ZP1: variants seen among roughly 807,000 people sequenced by gnomAD.
ZP1 encodes zona pellucida glycoprotein 1.
Under a neutral mutation model 67.4 loss-of-function variants are expected in ZP1, and 58 were observed. That is an observed-to-expected ratio of 0.86 (90% CI 0.70 to 1.07). The LOEUF (loss-of-function observed/expected upper bound fraction) is 1.07, where lower values mean the gene tolerates loss of function less well. Among genes scored for constraint, ZP1 ranks in the 50% least tolerant of loss-of-function variants. ZP1 has a pLI of 0.00. For synonymous variants in ZP1, 333 were observed against 332.7 expected, an observed-to-expected ratio of 1.00 and a Z score of -0.01; for missense variants, 759 against 807.3, an observed-to-expected ratio of 0.94 and a Z score of 0.72.
chr11:60,869,337 CATGAACCAGAAAGGAGCCAA>C, intron 2 of ZP1, 71 bp downstream of exon 2: 1 of 1,589,842 alleles, frequency 6.3e-7, no homozygotes, highest in East Asian at 2.3e-5. Flanking sequence ...AGAGGCCCCT[CATGAACCAGAAAGGAGCCAA>C]AGCCGAAGAT....
chr11:60,872,510 G>A (rs1855592578), intron 6 of ZP1, among the ~76,000 whole-genome samples: 1 of 152,212 alleles, frequency 6.6e-6, no homozygotes, highest in Admixed American at 6.5e-5. Flanking sequence ...AGAGTGTGGA[G>A]GAGTGGCCAC....
At chr11:60,872,023 C>A (rs1459850542) in intron 6 of ZP1, among the ~76,000 whole-genome samples, 1 of 152,130 alleles carries the variant, frequency 6.6e-6, no homozygotes, top group South Asian at 2.1e-4. Context: ...TCCCGCCCTG[C>A]CGTGAGGGTT....
In ZP1 at chr11:60,873,560, G is replaced by T; in HGVS notation, c.1426G>T (p.Asp476Tyr). 1 of 1,612,980 alleles carries T rather than the reference G, an allele frequency of 6.2e-7. No individual in the cohort carries two copies. Residue 476 changes from aspartate to tyrosine, a missense_variant, in exon 8 of 12, where the codon GAC becomes TAC. Asp to Tyr is a radical substitution (Grantham distance 160). Coordinates refer to ENST00000278853, the MANE Select transcript of ZP1 (RefSeq NM_207341.4). ...GCAGCCCCAGTGGCCCATCCTGTCA[G>T]ACGGGTGAGTGCCCCCACACTCCCC... ...FQQPQWPILS[D>Y]GCPFKGDSYR... is the part of the protein sequence containing the mutation.
At chr11:60,871,913 C>T (rs1192512545) in intron 6 of ZP1, among the ~76,000 whole-genome samples, 3 of 152,188 alleles carry the variant, frequency 2.0e-5, no homozygotes, top group Admixed American at 2.0e-4. Context: ...CCTGTGTGAC[C>T]AGGGGCAAAG....
At chr11:60,874,722 G>A (rs544616553) in intron 9 of ZP1, among the ~76,000 whole-genome samples, 5 of 152,370 alleles carry the variant, frequency 3.3e-5, no homozygotes, top group South Asian at 4.1e-4. Flanking sequence ...CAAGGAAGGT[G>A]TGGATTTCAA....
In ZP1 at chr11:60,873,795, G is replaced by C; in HGVS notation, c.1572+20G>C. 1 of 1,612,130 alleles carries C rather than the reference G, an allele frequency of 6.2e-7. No homozygotes were observed. The highest frequency in any genetic ancestry group is 1.3e-5 in the African/African-American group (1 of 75,028). On this transcript the variant is annotated intron_variant, in intron 9 of 11. Coordinates refer to ENST00000278853, the MANE Select transcript of ZP1 (RefSeq NM_207341.4). ...GGACTGGTAAGAAGCCCCGGCTGCC[G>C]CATGCCTGGTCCCATCTGTTAAGTG...
rs199776899 is a variant in ZP1 at position 60,867,645 on chromosome 11, C to T, written c.84C>T (p.Leu28=). 65 of 1,613,838 alleles carry T rather than the reference C, an allele frequency of 4.0e-5. No individual in the cohort carries two copies. The highest frequency in any genetic ancestry group is 5.5e-5 in the Non-Finnish European group (65 of 1,179,942). ...LVATLGLGRW[L]QPDPGLPGLR... The stretch of plus-strand genomic sequence containing the variant: ...CCACCCTGGGGCTGGGTAGGTGGCT[C>T]CAGCCCGACCCTGGCCTCCCAGGCC... The change falls in exon 1 of 12, where the codon CTC becomes CTT. Residue 28 remains leucine, a synonymous_variant. Coordinates refer to ENST00000278853, the MANE Select transcript of ZP1 (RefSeq NM_207341.4).
chr11:60,874,110 T>A (rs1383198915), intron 9 of ZP1, among the ~76,000 whole-genome samples: 1 of 152,156 alleles, frequency 6.6e-6, no homozygotes, highest in Non-Finnish European at 1.5e-5. Context: ...CAGCAACTTC[T>A]CCAGAAGGTA....
intron 4 of ZP1, 74 bp downstream of exon 4, chr11:60,870,549 G>A: frequency 6.6e-7 from 1 of 1,514,122 alleles, no homozygotes; most frequent in Non-Finnish European, 8.9e-7. Context: ...TCCTCCAGCT[G>A]GTGGAAACTG....
Position 60,871,203 on chromosome 11 carries a change from GTC to G in ZP1, c.1015-10_1015-9del, listed in dbSNP as rs1422664731. ...CCCCACCAGAAAGCCTCACCCAGCT[GTC>G]TCTTCCTACAGGTGGCTGGCGACCA... On this transcript the variant is annotated splice_polypyrimidine_tract_variant and intron_variant, in intron 5 of 11. Transcript: ENST00000278853. 5 of 1,613,928 alleles carry G rather than the reference GTC, an allele frequency of 3.1e-6. No individual in the cohort carries two copies. The highest frequency in any genetic ancestry group is 4.2e-6 in the Non-Finnish European group (5 of 1,180,048).
In ZP1 at chr11:60,873,299, G is replaced by A; in HGVS notation, c.1240+10G>A. The A allele has an allele frequency of 6.3e-7, 1 of 1,583,014 alleles. No individual in the cohort carries two copies. The highest frequency in any genetic ancestry group is 2.3e-5 in the East Asian group (1 of 44,396). On this transcript the variant is annotated intron_variant, in intron 7 of 11. Coordinates refer to ENST00000278853, the MANE Select transcript of ZP1 (RefSeq NM_207341.4). ...CTGCGGATTGCCAAAGGTATGCTAT[G>A]CTATCCCTGCTCTCTTCTGGCCCCC... is the stretch of plus-strand genomic sequence containing the variant.
At chr11:60,873,082 A>G in intron 6 of ZP1, 80 bp from the exon 7 acceptor site, 2 of 1,439,960 alleles carry the variant, frequency 1.4e-6, no homozygotes, top group South Asian at 2.8e-5. Context: ...GCACCCACGG[A>G]GTTGGTGCCT....
At chr11:60,870,901 C>A in intron 4 of ZP1, 56 bp from the exon 5 acceptor site, 1 of 1,539,102 alleles carries the variant, frequency 6.5e-7, no homozygotes, top group Non-Finnish European at 8.8e-7. Context: ...CCAGCCATCC[C>A]GTCTCTGTGC....
chr11:60,871,981 C>CA (rs1390696711), intron 6 of ZP1, among the ~76,000 whole-genome samples: 2 of 152,222 alleles, frequency 1.3e-5, no homozygotes, highest in Admixed American at 1.3e-4. Context: ...TTGTGCTTGA[C>CA]ACTGCATGGT....
chr11:60,869,451 C>T, intron 2 of ZP1, 86 bp from the exon 3 acceptor site: 1 of 1,519,880 alleles, frequency 6.6e-7, no homozygotes, highest in Non-Finnish European at 8.8e-7. Flanking sequence ...TGCCTAATGG[C>T]CAGCTCAGCT....
intron 6 of ZP1, among the ~76,000 whole-genome samples, chr11:60,872,428 G>A (rs886085818): frequency 2.0e-5 from 3 of 152,162 alleles, no homozygotes; most frequent in Admixed American, 6.5e-5. Flanking sequence ...GAACAGGGGT[G>A]AGCCTCCTAT....
chr11:60,873,345 GC>G (rs745710496), intron 7 of ZP1, 29 bp from the exon 8 acceptor site: 1 of 1,592,056 alleles, frequency 6.3e-7, no homozygotes, highest in African/African-American at 1.3e-5. Flanking sequence ...TGCACAGCCC[GC>G]CCTGGCTCAT....
rs1554977969 is a variant in ZP1, at chr11:60,870,390, G to A, written c.741G>A (p.Val247=). The change falls in exon 4 of 12, where the codon GTG becomes GTA. Residue 247 remains valine, a synonymous_variant. Transcript: ENST00000278853. ...CCTCAGGGCACCTCCCCTGCATCGT[G>A]AGAAGAACTTCAAAAGAAGCCTGTC... is the stretch of plus-strand genomic sequence containing the variant. ...QVASGHLPCI[V]RRTSKEACQQ... 3 of 1,613,450 alleles carry A rather than the reference G, an allele frequency of 1.9e-6. No homozygotes were observed. The highest frequency in any genetic ancestry group is 2.5e-6 in the Non-Finnish European group (3 of 1,179,804).
chr11:60,869,322 G>A (rs751335962), intron 2 of ZP1, 56 bp downstream of exon 2: 10 of 1,603,158 alleles, frequency 6.2e-6, no homozygotes, highest in Non-Finnish European at 8.5e-6. Context: ...GTCATGTCAG[G>A]CTGAAGAGGC....
Sources: allele counts gnomAD v4.1 joint callset (sites outside exome capture counted in the v4.1 genomes callset), GRCh38; gene constraint gnomAD v4.1.1; transcripts MANE v1.5; gene names NCBI Gene and HGNC (gene_info 2026-07-23, HGNC 2026-07-21).